Variants in UGGT2 observed in about 807,000 individuals in gnomAD.
UGGT2 encodes UDP-glucose glycoprotein glucosyltransferase 2, also known as UDP-glucose:glycoprotein glucosyltransferase 2.
Under a neutral mutation model 192.1 loss-of-function variants are expected in UGGT2, and 180 were observed. The observed-to-expected ratio is 0.94, with a 90% CI of 0.83 to 1.06. UGGT2 has a LOEUF of 1.06. UGGT2 is among the 50% of genes least tolerant of loss of function. UGGT2 has a pLI of 0.00. For missense variants in UGGT2, 1,849 were observed against 1,795.7 expected (o/e 1.03, Z -0.54); for synonymous variants, 580 against 591.0 (o/e 0.98, Z 0.27).
At chr13:95,971,458 C>T (rs1001334671) in intron 11 of UGGT2, among the ~76,000 whole-genome samples, 29 of 152,100 alleles carry the variant, frequency 1.9e-4, no homozygotes, top group African/African-American at 5.3e-4. Flanking sequence ...ACACATCCTG[C>T]AAATCACTAA....
chr13:95,904,164 T>C lies in UGGT2; in HGVS notation c.2296-1104A>G, dbSNP rs896857269. Among the ~76,000 whole-genome samples, 7 of 152,132 alleles carry C rather than the reference T, an allele frequency of 4.6e-5. 1 individual carries two copies. The highest frequency in any genetic ancestry group is 1.4e-4 in the African/African-American group (6 of 41,444). On this transcript the variant is annotated intron_variant, in intron 20 of 38. Transcript: ENST00000376747. ...TGTTTTGTAGTGTACTGATGATGTGTTATAATGGGAAGCAGTCCTTAATTT... is the reference window on the plus strand; with the variant it reads ...TGTTTTGTAGTGTACTGATGATGTGCTATAATGGGAAGCAGTCCTTAATTT...
chr13:95,809,195 G>A (rs1346511456), intron 38 of UGGT2: 3 of 486,956 alleles, frequency 6.2e-6, no homozygotes, highest in South Asian at 3.1e-5. Context: ...TCTTCAAAAT[G>A]TTTCTAGAGC....
chr13:96,034,833 C>T (rs1158827587), intron 1 of UGGT2, among the ~76,000 whole-genome samples: 1 of 152,240 alleles, frequency 6.6e-6, no homozygotes, highest in Non-Finnish European at 1.5e-5. Context: ...GGACCCTGTG[C>T]TTGCTCACAC....
rs1464639347 is a variant in UGGT2, at chr13:95,989,972, C to T, written c.931+1G>A. On this transcript the variant is annotated splice_donor_variant, in intron 8 of 38. Transcript: ENST00000376747. LOFTEE classifies it high-confidence loss of function. ...TGTTAAAGTATCTCAAAATACTATA[C>T]CTTGTAGTTCCCAGACTTTCAAAGG... is the stretch of plus-strand genomic sequence containing the variant. The T allele has an allele frequency of 1.3e-6, 2 of 1,597,658 alleles. No homozygotes were observed. The highest frequency in any genetic ancestry group is 1.7e-6 in the Non-Finnish European group (2 of 1,170,962).
chr13:95,818,107 G>A (rs1885094727), intron 38 of UGGT2, among the ~76,000 whole-genome samples: 1 of 152,182 alleles, frequency 6.6e-6, no homozygotes, highest in African/African-American at 2.4e-5. Flanking sequence ...GGGAGTTCCA[G>A]AACAGCCCCG....
intron 38 of UGGT2, among the ~76,000 whole-genome samples, chr13:95,821,877 T>C (rs1337516418): frequency 6.6e-6 from 1 of 152,152 alleles, no homozygotes; most frequent in East Asian, 1.9e-4. Context: ...GCTGTAAGTA[T>C]TTGGCTTCAT....
intron 38 of UGGT2, among the ~76,000 whole-genome samples, chr13:95,827,411 G>A (rs896091335): frequency 1.3e-5 from 2 of 152,146 alleles, no homozygotes. Context: ...GACAGAGAAT[G>A]TGAAGACAAT....
At chr13:95,842,833 T>C (rs1888011068) in intron 36 of UGGT2, among the ~76,000 whole-genome samples, 1 of 152,226 alleles carries the variant, frequency 6.6e-6, no homozygotes, top group Non-Finnish European at 1.5e-5. Flanking sequence ...ACCATGTGAG[T>C]GACTTTGCCT....
chr13:95,878,119 G>A (rs2047393688), intron 27 of UGGT2, among the ~76,000 whole-genome samples: 1 of 151,718 alleles, frequency 6.6e-6, no homozygotes, highest in Admixed American at 6.6e-5. Flanking sequence ...CAGGAAAGAC[G>A]TGAACATGAG....
rs772486475 is a variant in UGGT2 at position 96,053,213 on chromosome 13, A to T, written c.100T>A (p.Ser34Thr). Residue 34 changes from serine (S) to threonine (T), a missense_variant, in exon 1 of 39, where the codon TCG (serine) becomes ACG (threonine). Coordinates refer to ENST00000376747, the MANE Select transcript of UGGT2 (RefSeq NM_020121.4). ...LGSGTVAASK[S>T]VTAHLAAKWP... Reference sequence around the variant, plus strand: ...TTCGCGGCCAAGTGGGCAGTCACCGACTTGGACGCGGCGACCGTCCCGGAG... The same window carrying T: ...TTCGCGGCCAAGTGGGCAGTCACCGTCTTGGACGCGGCGACCGTCCCGGAG... 8.2e-5 allele frequency: 126 copies of T among 1,535,494 alleles called. No individual in the cohort carries two copies. Among genetic ancestry groups the T allele is most frequent in the Non-Finnish European group, 1.1e-4 (122 of 1,147,708 alleles).
intron 38 of UGGT2, among the ~76,000 whole-genome samples, chr13:95,823,578 C>A (rs751217154): frequency 6.6e-6 from 1 of 152,002 alleles, no homozygotes; most frequent in Non-Finnish European, 1.5e-5. Context: ...AGAATAGCTA[C>A]GCCTGCTTGC....
intron 29 of UGGT2, among the ~76,000 whole-genome samples, chr13:95,874,318 T>C (rs755479985): frequency 9.9e-5 from 15 of 152,176 alleles, no homozygotes; most frequent in Non-Finnish European, 1.8e-4. Flanking sequence ...TATACATACA[T>C]GTCTATGATA....
intron 38 of UGGT2, among the ~76,000 whole-genome samples, chr13:95,821,151 T>C (rs1381544618): frequency 1.3e-5 from 2 of 152,154 alleles, no homozygotes; most frequent in Non-Finnish European, 2.9e-5. Context: ...TTTAGTTCTT[T>C]AAAGAGTCTC....
intron 5 of UGGT2, among the ~76,000 whole-genome samples, chr13:96,002,910 G>A (rs2051853704): frequency 6.6e-6 from 1 of 152,158 alleles, no homozygotes. Flanking sequence ...GCCAAGCTCT[G>A]TTCCCATAGC....
At chr13:95,952,680 C>T (rs1469656566) in intron 12 of UGGT2, among the ~76,000 whole-genome samples, 5 of 151,930 alleles carry the variant, frequency 3.3e-5, no homozygotes, top group Non-Finnish European at 2.9e-5. Flanking sequence ...TACCAAGTCA[C>T]GAGGAAAAAG....
At chr13:95,929,055 G>A (rs934996166) in intron 17 of UGGT2, among the ~76,000 whole-genome samples, 3 of 152,120 alleles carry the variant, frequency 2.0e-5, no homozygotes, top group African/African-American at 2.4e-5. Context: ...CCAGTCAGGC[G>A]TGGCGGCGCG....
chr13:95,977,784 A>AACCAACC (rs1306540740), intron 10 of UGGT2, among the ~76,000 whole-genome samples: 1 of 152,202 alleles, frequency 6.6e-6, no homozygotes, highest in Non-Finnish European at 1.5e-5. Context: ...AAAGACTTGG[A>AACCAACC]ACCAACCCAA....
At chr13:95,873,439 T>C (rs891894058) in intron 29 of UGGT2, among the ~76,000 whole-genome samples, 1 of 152,318 alleles carries the variant, frequency 6.6e-6, no homozygotes. Context: ...CATTAGAACA[T>C]ACCCAAATGG....
intron 20 of UGGT2, among the ~76,000 whole-genome samples, chr13:95,916,871 C>G (rs1398347386): frequency 6.6e-6 from 1 of 151,728 alleles, no homozygotes; most frequent in South Asian, 2.1e-4. Context: ...TGAAAAGGAA[C>G]AAACAAAACC....
Sources: gnomAD v4.1 joint callset for allele counts (sites outside exome capture counted in the v4.1 genomes callset) on GRCh38, gnomAD v4.1.1 for gene constraint, MANE v1.5 for transcripts, NCBI Gene and HGNC (gene_info 2026-07-23, HGNC 2026-07-21) for gene names.